Variants in ACTR3C observed in about 807,000 individuals in gnomAD.
ACTR3C encodes actin-related protein 3C.
Under a neutral mutation model 26.3 loss-of-function variants are expected in ACTR3C, and 18 were observed. The ratio of observed to expected loss-of-function variants is 0.68; its 90% CI spans 0.47 to 1.01. ACTR3C has a LOEUF of 1.01. Among genes scored for constraint, ACTR3C ranks in the 50% least tolerant of loss-of-function variants. The pLI is 0.00. For missense variants in ACTR3C, 184 were observed against 250.7 expected (o/e 0.73, Z 1.80); for synonymous variants, 55 against 94.5 (o/e 0.58, Z 2.42).
the ACTR3C span, among the ~76,000 whole-genome samples, chr7:150,070,313 G>C: frequency 1.3e-5 from 2 of 152,166 alleles, no homozygotes; most frequent in Non-Finnish European, 2.9e-5. Flanking sequence ...AGCCTCCTCT[G>C]GGGCCTTCCA....
At chr7:149,952,539 T>C in the ACTR3C span, among the ~76,000 whole-genome samples, 35 of 144,118 alleles carry the variant, frequency 2.4e-4, no homozygotes, top group Middle Eastern at 3.4e-3. Context: ...GCTCAGAGTA[T>C]GGGGGGGATG....
At chr7:149,982,000 T>C in the ACTR3C span, among the ~76,000 whole-genome samples, 295 of 152,300 alleles carry the variant, frequency 1.9e-3, no homozygotes, top group Admixed American at 6.0e-3. Context: ...ACAGCCAGCA[T>C]GTAGCACAGA....
the ACTR3C span, among the ~76,000 whole-genome samples, chr7:150,013,622 C>A: frequency 6.6e-6 from 1 of 152,242 alleles, no homozygotes; most frequent in Non-Finnish European, 1.5e-5. Context: ...CTTGGGCATG[C>A]ATGGCTGGTG....
chr7:150,013,337 T>C, the ACTR3C span, among the ~76,000 whole-genome samples: 51 of 151,988 alleles, frequency 3.4e-4, no homozygotes, highest in African/African-American at 1.2e-3. Context: ...TGAGTTATAC[T>C]AGGCTTCTTG....
chr7:150,282,239 C>A (rs1835405993), intron 6 of ACTR3C, among the ~76,000 whole-genome samples: 1 of 147,328 alleles, frequency 6.8e-6, no homozygotes, highest in Non-Finnish European at 1.5e-5. Flanking sequence ...CAGCGGGGAC[C>A]TGAGGCGATG....
chr7:150,098,834 C>G, the ACTR3C span, among the ~76,000 whole-genome samples: 2 of 151,574 alleles, frequency 1.3e-5, no homozygotes, highest in Admixed American at 1.3e-4. Context: ...TGCTTTCACT[C>G]CACTAGGGGA....
At chr7:150,034,686 G>T in the ACTR3C span, among the ~76,000 whole-genome samples, 2 of 151,822 alleles carry the variant, frequency 1.3e-5, no homozygotes, top group East Asian at 1.9e-4. Context: ...GCCGTCGGAA[G>T]ATTTGAACTT....
the ACTR3C span, among the ~76,000 whole-genome samples, chr7:150,114,884 G>A: frequency 1.3e-5 from 2 of 152,048 alleles, no homozygotes; most frequent in Non-Finnish European, 1.5e-5. Flanking sequence ...CAGAGGACCT[G>A]TTAAGGTCTT....
chr7:150,023,054 C>A, the ACTR3C span, among the ~76,000 whole-genome samples: 1 of 150,528 alleles, frequency 6.6e-6, no homozygotes, highest in African/African-American at 2.5e-5. Context: ...CCTATTTCCC[C>A]GAAGGTTATG....
intron 1 of ACTR3C, among the ~76,000 whole-genome samples, chr7:150,321,025 C>A (rs956259463): frequency 2.6e-5 from 4 of 152,178 alleles, no homozygotes; most frequent in African/African-American, 9.7e-5. Flanking sequence ...TAGGCCCTGA[C>A]CCTGGGCTGG....
At chr7:150,140,380 A>C in the ACTR3C span, among the ~76,000 whole-genome samples, 1 of 152,166 alleles carries the variant, frequency 6.6e-6, no homozygotes, top group Non-Finnish European at 1.5e-5. Flanking sequence ...GTACACAAGG[A>C]AGTCAACTGG....
the ACTR3C span, among the ~76,000 whole-genome samples, chr7:150,188,359 C>T: frequency 6.6e-6 from 1 of 151,306 alleles, no homozygotes; most frequent in African/African-American, 2.4e-5. Context: ...ATCCGCTCAC[C>T]TGTAGGTGAA....
the ACTR3C span, among the ~76,000 whole-genome samples, chr7:149,921,644 A>G: frequency 6.6e-6 from 1 of 152,168 alleles, no homozygotes; most frequent in Non-Finnish European, 1.5e-5. Flanking sequence ...TGGGAGGCTG[A>G]GGCAGGCAGA....
chr7:150,117,618 G>A, the ACTR3C span, among the ~76,000 whole-genome samples: 1 of 152,234 alleles, frequency 6.6e-6, no homozygotes, highest in Non-Finnish European at 1.5e-5. Context: ...ATCTCCCTGA[G>A]ACACAGCACC....
At chr7:149,951,640 T>A in the ACTR3C span, among the ~76,000 whole-genome samples, 1 of 152,058 alleles carries the variant, frequency 6.6e-6, no homozygotes, top group African/African-American at 2.4e-5. Flanking sequence ...TCTAGCCGCC[T>A]CCTCTGTGAC....
the ACTR3C span, among the ~76,000 whole-genome samples, chr7:150,033,191 T>C: frequency 1.3e-5 from 2 of 152,140 alleles, no homozygotes; most frequent in African/African-American, 4.8e-5. Flanking sequence ...TGTCCTACCA[T>C]TGAACAACTC....
At chr7:149,896,454 CT>C in the ACTR3C span, among the ~76,000 whole-genome samples, 1 of 152,188 alleles carries the variant, frequency 6.6e-6, no homozygotes, top group Non-Finnish European at 1.5e-5. Context: ...TTAGCAGAGA[CT>C]GTGGTAGAGA....
the ACTR3C span, among the ~76,000 whole-genome samples, chr7:150,009,291 A>C: frequency 1.3e-5 from 2 of 152,208 alleles, no homozygotes; most frequent in African/African-American, 4.8e-5. Context: ...CCAATGAGGG[A>C]CATAAGAATC....
In ACTR3C at chr7:150,293,374, C is replaced by T; in HGVS notation, c.91G>A (p.Glu31Lys). The T allele has an allele frequency of 6.2e-7, 1 of 1,608,024 alleles. No homozygotes were observed. Among genetic ancestry groups the T allele is most frequent in the Admixed American group, 1.7e-5 (1 of 59,478 alleles). The stretch of plus-strand genomic sequence containing the variant: ...ATGACTATCCCCGTTAATGTACGTT[C>T]ACCCACTTGTCGAGATGTCCAAGAT... ...AASWTSRQVG[E>K]RTLTGIVIDS... Residue 31 changes from glutamate (E) to lysine (K), a missense_variant, in exon 3 of 8, where the codon GAA becomes AAA. Transcript: ENST00000683684.
Sources: gnomAD v4.1 joint callset for allele counts (sites outside exome capture counted in the v4.1 genomes callset) on GRCh38, gnomAD v4.1.1 for gene constraint, MANE v1.5 for transcripts, NCBI Gene and HGNC (gene_info 2026-07-23, HGNC 2026-07-21) for gene names.